Variants in SIRPG observed in about 807,000 individuals in gnomAD.
SIRPG encodes the protein signal-regulatory protein gamma.
In SIRPG, 38 loss-of-function variants were observed where a neutral mutation model predicts 35.7. The ratio of observed to expected loss-of-function variants is 1.06; its 90% CI spans 0.82 to 1.40. The LOEUF (loss-of-function observed/expected upper bound fraction) is 1.40. SIRPG is among the 40% of genes most tolerant of loss of function. The pLI, the probability that SIRPG is intolerant of heterozygous loss-of-function variation, is 0.00. For synonymous variants in SIRPG, 215 were observed against 190.4 expected, an observed-to-expected ratio of 1.13 and a Z score of -1.06; for missense variants, 519 against 483.0, an observed-to-expected ratio of 1.07 and a Z score of -0.70.
At chr20:1,637,296 A>G (rs1478611618) in intron 2 of SIRPG, 1 of 231,880 alleles carries the variant, frequency 4.3e-6, no homozygotes, top group Non-Finnish European at 8.8e-6. Context: ...CACCTGCTAA[A>G]GGTCAAGCCA....
intron 4 of SIRPG, among the ~76,000 whole-genome samples, chr20:1,632,825 A>G (rs2091762162): frequency 1.3e-5 from 2 of 152,128 alleles, no homozygotes; most frequent in Middle Eastern, 3.4e-3. Context: ...CAATTAAATC[A>G]CCACTTCAAG....
intron 1 of SIRPG, chr20:1,651,265 C>T (rs932778318): frequency 6.6e-6 from 1 of 152,216 alleles, no homozygotes; most frequent in Non-Finnish European, 1.5e-5. Flanking sequence ...GAGCACCCTG[C>T]CAAACCAGGT....
Position 1,636,522 on chromosome 20 carries a change from G to A in SIRPG, c.431-17C>T, listed in dbSNP as rs529775285. ...AGGGTTTGGCTACAAAAGGGGCATC[G>A]ATAAACAGGAGACATGACTGAGATG... On this transcript the variant is annotated splice_polypyrimidine_tract_variant and intron_variant, in intron 2 of 5. Transcript: ENST00000303415. 3.7e-6 allele frequency: 6 copies of A among 1,613,172 alleles called. No individual in the cohort carries two copies. The highest frequency in any genetic ancestry group is 1.7e-4 in the Middle Eastern group (1 of 6,058).
the SIRPG span, among the ~76,000 whole-genome samples, chr20:1,664,116 C>T: frequency 6.6e-6 from 1 of 152,128 alleles, no homozygotes; most frequent in African/African-American, 2.4e-5. Flanking sequence ...ACAATCAAAC[C>T]TTGTGAATAC....
At chr20:1,676,252 T>C in the SIRPG span, among the ~76,000 whole-genome samples, 2 of 152,188 alleles carry the variant, frequency 1.3e-5, no homozygotes, top group Admixed American at 6.5e-5. Flanking sequence ...TGTTCTTACA[T>C]ATGAAAACAC....
At chr20:1,657,555 G>A in intron 1 of SIRPG, 87 bp downstream of exon 1, 1 of 1,311,062 alleles carries the variant, frequency 7.6e-7, no homozygotes, top group South Asian at 1.2e-5. Context: ...GGCAGTGCTT[G>A]TGCTTATCTG....
chr20:1,658,843 G>A (rs2091988289), upstream of SIRPG, among the ~76,000 whole-genome samples: 1 of 152,122 alleles, frequency 6.6e-6, no homozygotes, highest in Admixed American at 6.5e-5. Context: ...CAGGCCTCCT[G>A]AGACCCAGCT....
In SIRPG at chr20:1,636,301, C is replaced by A; in HGVS notation, c.635G>T (p.Arg212Met). 1 of 1,614,246 alleles carries A rather than the reference C, an allele frequency of 6.2e-7. No individual in the cohort carries two copies. Among genetic ancestry groups the A allele is most frequent in the Non-Finnish European group, 8.5e-7 (1 of 1,180,042 alleles). ...AACGTCCCAGGGGTCCAGTACCACC[C>A]TGGCTGTGCTGCGGATGCTGTAGGC... ...SVAYSIRSTA[R>M]VVLDPWDVRS... The change falls in exon 3 of 6, where the codon AGG becomes ATG. Residue 212 changes from arginine (R) to methionine (M), a missense_variant. Transcript: ENST00000303415.
At chr20:1,643,501 C>T (rs528488915) in intron 2 of SIRPG, among the ~76,000 whole-genome samples, 22 of 152,198 alleles carry the variant, frequency 1.4e-4, no homozygotes, top group African/African-American at 5.3e-4. Flanking sequence ...AGCTTCTTTG[C>T]GTTGGGTTAG....
chr20:1,638,538 T>A (rs1027556894), intron 2 of SIRPG: 15 of 151,712 alleles, frequency 9.9e-5, no homozygotes, highest in African/African-American at 3.6e-4. Context: ...CAAAAAAAAA[T>A]AAGATCATAG....
At chr20:1,669,394 G>A in the SIRPG span, among the ~76,000 whole-genome samples, 37,392 of 152,168 alleles carry the variant, frequency 0.25, 5,402 homozygotes, top group East Asian at 0.6. Context: ...GCAGAGGGAT[G>A]TTGCGGTTAT....
At position 1,645,134 on chromosome 20, in the gene SIRPG, C is replaced by T. The variant is rs144960806; in HGVS notation, c.430+3918G>A. On this transcript the variant is annotated intron_variant, in intron 2 of 5. Transcript: ENST00000303415. The stretch of plus-strand genomic sequence containing the variant: ...GCACTGAGGCTGGATCTGAGCAGGG[C>T]TTTATCCGGAAACTCTATCTTGGGT... Among the ~76,000 whole-genome samples the T allele has an allele frequency of 7.5e-3, 1,142 of 152,262 alleles. 15 individuals are homozygous for T. Among genetic ancestry groups the T allele is most frequent in the African/African-American group, 0.026 (1,086 of 41,530 alleles).
intron 1 of SIRPG, among the ~76,000 whole-genome samples, chr20:1,655,117 G>A (rs2091967538): frequency 1.3e-5 from 2 of 152,196 alleles, no homozygotes; most frequent in African/African-American, 4.8e-5. Flanking sequence ...AAAACAGTAT[G>A]CAGGTTCCTC....
the SIRPG span, among the ~76,000 whole-genome samples, chr20:1,681,700 G>A: frequency 1.3e-5 from 2 of 152,092 alleles, no homozygotes; most frequent in Non-Finnish European, 2.9e-5. Flanking sequence ...GCTGAGGGTG[G>A]TGGCACACCC....
At chr20:1,680,535 G>T in the SIRPG span, among the ~76,000 whole-genome samples, 22 of 152,158 alleles carry the variant, frequency 1.4e-4, no homozygotes, top group African/African-American at 5.3e-4. Flanking sequence ...ATTACTGCTA[G>T]GTTTGTTAAT....
intron 1 of SIRPG, among the ~76,000 whole-genome samples, chr20:1,653,940 C>T (rs1295672092): frequency 6.6e-6 from 1 of 152,042 alleles, no homozygotes; most frequent in African/African-American, 2.4e-5. Flanking sequence ...CAATCTTGAG[C>T]AAAAAGAACA....
At chr20:1,651,885 C>T (rs2091942338) in intron 1 of SIRPG, among the ~76,000 whole-genome samples, 1 of 152,154 alleles carries the variant, frequency 6.6e-6, no homozygotes, top group South Asian at 2.1e-4. Flanking sequence ...ATAGCAACCT[C>T]TTCAAAGAAG....
the SIRPG span, among the ~76,000 whole-genome samples, chr20:1,674,769 G>C: frequency 2.0e-5 from 3 of 152,154 alleles, no homozygotes; most frequent in African/African-American, 7.2e-5. Context: ...AGAAATAACA[G>C]CTTGATTTAG....
Position 1,652,439 on chromosome 20 carries a change from C to T in SIRPG, c.74-3031G>A, listed in dbSNP as rs147082097. Among the ~76,000 whole-genome samples the T allele has an allele frequency of 5.3e-5, 8 of 152,316 alleles. No homozygotes were observed. In the East Asian group the frequency reaches 1.3e-3, roughly 26 times the overall value. ...ATTACTACTGGATTTGTTGATGCAA[C>T]AATCCTCAACCAAATACTAGCTAAC... On this transcript the variant is annotated intron_variant, in intron 1 of 5. Transcript: ENST00000303415.
Sources: gnomAD v4.1 joint callset for allele counts (sites outside exome capture counted in the v4.1 genomes callset) on GRCh38, gnomAD v4.1.1 for gene constraint, MANE v1.5 for transcripts, NCBI Gene and HGNC (gene_info 2026-07-23, HGNC 2026-07-21) for gene names.